The following GBE1 variants were observed in gnomAD, a reference collection of about 807,000 sequenced individuals.
GBE1 encodes the protein 1,4-alpha-glucan branching enzyme 1.
In GBE1, 70 loss-of-function variants were observed where a neutral mutation model predicts 88.8. The ratio of observed to expected loss-of-function variants is 0.79; its 90% CI spans 0.65 to 0.96. The LOEUF (loss-of-function observed/expected upper bound fraction) is 0.96, where lower values mean the gene tolerates loss of function less well. GBE1 is among the 40% of genes least tolerant of loss of function. The pLI is 0.00. For missense variants in GBE1, 872 were observed against 871.0 expected (o/e 1.00, Z -0.01); for synonymous variants, 284 against 300.1 (o/e 0.95, Z 0.56).
intron 7 of GBE1, among the ~76,000 whole-genome samples, chr3:81,638,076 C>A (rs1704615798): frequency 6.6e-6 from 1 of 152,040 alleles, no homozygotes; most frequent in African/African-American, 2.4e-5. Context: ...AGAAAATGCC[C>A]ACCATGGTTA....
intron 6 of GBE1, 53 bp from the exon 7 acceptor site, chr3:81,643,043 A>G: frequency 4.1e-6 from 5 of 1,207,028 alleles, no homozygotes; most frequent in Non-Finnish European, 6.0e-6. Flanking sequence ...TAGAGGAAAC[A>G]GCCGATTGTG....
intron 7 of GBE1, among the ~76,000 whole-genome samples, chr3:81,596,748 G>A (rs1192314855): frequency 6.6e-6 from 1 of 151,842 alleles, no homozygotes; most frequent in Non-Finnish European, 1.5e-5. Context: ...AAAGATCCAA[G>A]TATGTAAGGA....
At chr3:81,710,639 A>G (rs77311673) in intron 1 of GBE1, among the ~76,000 whole-genome samples, 6,520 of 152,166 alleles carry the variant, frequency 0.043, 461 homozygotes, top group East Asian at 0.35. Flanking sequence ...ATAGATTGTA[A>G]GGAATCAATG....
At chr3:81,750,562 TGTATATATATATAC>T (rs1706488508) in intron 1 of GBE1, among the ~76,000 whole-genome samples, 2 of 80,924 alleles carry the variant, frequency 2.5e-5, no homozygotes, top group African/African-American at 1.3e-4. Flanking sequence ...TATATATATA[TGTATATATATATAC>T]GTATATATAT....
chr3:81,739,943 G>A (rs533491946), intron 1 of GBE1, among the ~76,000 whole-genome samples: 8 of 151,930 alleles, frequency 5.3e-5, no homozygotes, highest in South Asian at 2.1e-4. Flanking sequence ...AATAAAAATC[G>A]GGCCAGGTGT....
intron 10 of GBE1, 85 bp from the exon 11 acceptor site, chr3:81,581,360 T>C: frequency 1.3e-6 from 1 of 752,952 alleles, no homozygotes; most frequent in Admixed American, 3.0e-5. Flanking sequence ...ATGCATTATA[T>C]CAGTGCAAAC....
chr3:81,660,651 G>C (rs886286238), intron 3 of GBE1, among the ~76,000 whole-genome samples: 1 of 151,990 alleles, frequency 6.6e-6, no homozygotes, highest in South Asian at 2.1e-4. Context: ...CACTAGTCAC[G>C]TGGGGAAATG....
intron 15 of GBE1, among the ~76,000 whole-genome samples, chr3:81,496,463 G>A (rs1486088542): frequency 6.6e-6 from 1 of 152,186 alleles, no homozygotes; most frequent in Admixed American, 6.5e-5. Flanking sequence ...TTAAGCTTTA[G>A]CAAATGCTGT....
chr3:81,707,583 C>A (rs1290097745), intron 1 of GBE1, among the ~76,000 whole-genome samples: 1 of 151,582 alleles, frequency 6.6e-6, no homozygotes, highest in African/African-American at 2.4e-5. Context: ...AAAAGGATCT[C>A]AACTGACAAA....
intron 12 of GBE1, among the ~76,000 whole-genome samples, chr3:81,544,328 AC>A (rs1231149334): frequency 6.6e-6 from 1 of 152,164 alleles, no homozygotes; most frequent in Non-Finnish European, 1.5e-5. Context: ...AGTCCAAAAT[AC>A]GTATTACAAG....
chr3:81,566,681 A>T (rs1346852697), intron 12 of GBE1, among the ~76,000 whole-genome samples: 2 of 152,174 alleles, frequency 1.3e-5, no homozygotes, highest in Non-Finnish European at 2.9e-5. Context: ...TTTGCTCTCA[A>T]ATGATAATCT....
At chr3:81,739,850 C>T (rs1264362633) in intron 1 of GBE1, among the ~76,000 whole-genome samples, 1 of 152,130 alleles carries the variant, frequency 6.6e-6, no homozygotes, top group Non-Finnish European at 1.5e-5. Flanking sequence ...ACCAAAAACA[C>T]ATATCCAAAC....
chr3:81,519,954 C>A (rs182575700), intron 14 of GBE1, among the ~76,000 whole-genome samples: 1 of 151,438 alleles, frequency 6.6e-6, no homozygotes, highest in East Asian at 1.9e-4. Flanking sequence ...AGAAATAAAT[C>A]ATCAATAATA....
Position 81,722,477 on chromosome 3 carries a change from T to C in GBE1, c.144-16864A>G, listed in dbSNP as rs138981098. On this transcript the variant is annotated intron_variant, in intron 1 of 15. Coordinates refer to ENST00000429644, the MANE Select transcript of GBE1 (RefSeq NM_000158.4). ...CTACTATAAACATACAAAGACAAAA[T>C]ATTAAGTAAATTATGAAAGGATCTA... 2.0e-5 allele frequency among the ~76,000 whole-genome samples: 3 copies of C among 152,130 alleles called. No individual in the cohort carries two copies. In the East Asian group the frequency reaches 5.8e-4, roughly 29 times the overall value.
At chr3:81,511,954 T>C (rs980563641) in intron 14 of GBE1, among the ~76,000 whole-genome samples, 2 of 151,514 alleles carry the variant, frequency 1.3e-5, no homozygotes, top group Non-Finnish European at 2.9e-5. Flanking sequence ...TAGGTGCCCA[T>C]GAATGGTGGA....
At chr3:81,501,715 T>TTA (rs1312458412) in intron 14 of GBE1, among the ~76,000 whole-genome samples, 2 of 134,238 alleles carry the variant, frequency 1.5e-5, no homozygotes, top group Non-Finnish European at 3.2e-5. Context: ...TTTTTTTTTT[T>TTA]AAGACAGGGT....
chr3:81,686,528 G>C (rs2107138005), intron 2 of GBE1, among the ~76,000 whole-genome samples: 1 of 152,304 alleles, frequency 6.6e-6, no homozygotes, highest in African/African-American at 2.4e-5. Flanking sequence ...AGGCTGAGGT[G>C]GGTGGATCAC....
chr3:81,648,516 G>A (rs1033824667), intron 5 of GBE1, among the ~76,000 whole-genome samples: 5 of 151,932 alleles, frequency 3.3e-5, no homozygotes, highest in African/African-American at 1.2e-4. Flanking sequence ...AGACTAAAAT[G>A]AACAGGCTAT....
chr3:81,625,262 T>A (rs1704397193), intron 7 of GBE1, among the ~76,000 whole-genome samples: 1 of 152,190 alleles, frequency 6.6e-6, no homozygotes. Flanking sequence ...TAGCTTCTTC[T>A]CAGGATATTT....
Sources: allele counts gnomAD v4.1 joint callset (sites outside exome capture counted in the v4.1 genomes callset), GRCh38; gene constraint gnomAD v4.1.1; transcripts MANE v1.5; gene names NCBI Gene and HGNC (gene_info 2026-07-23, HGNC 2026-07-21).